The following OCA2 variants were observed in gnomAD, a reference collection of about 807,000 sequenced individuals.
OCA2 encodes the protein OCA2 melanosomal transmembrane protein.
Under a neutral mutation model 100.2 loss-of-function variants are expected in OCA2, and 77 were observed. The observed-to-expected ratio is 0.77, with a 90% CI of 0.64 to 0.93. The LOEUF (loss-of-function observed/expected upper bound fraction) is 0.93, where lower values mean the gene tolerates loss of function less well. Among genes scored for constraint, OCA2 ranks in the 40% least tolerant of loss-of-function variants. The pLI, the probability that OCA2 is intolerant of heterozygous loss-of-function variation, is 0.00. For synonymous variants in OCA2, 432 were observed against 439.2 expected, an observed-to-expected ratio of 0.98 and a Z score of 0.21; for missense variants, 1,062 against 1,089.1, an observed-to-expected ratio of 0.98 and a Z score of 0.35.
chr15:27,952,531 G>C (rs2040068703), intron 17 of OCA2, among the ~76,000 whole-genome samples: 1 of 152,218 alleles, frequency 6.6e-6, no homozygotes, highest in Non-Finnish European at 1.5e-5. Flanking sequence ...GCCAGGGCAG[G>C]GAAGCACGCA....
chr15:28,004,003 G>A (rs1024564936), intron 9 of OCA2, among the ~76,000 whole-genome samples: 84 of 152,334 alleles, frequency 5.5e-4, no homozygotes, highest in African/African-American at 1.9e-3. Flanking sequence ...GCGCCCGCGC[G>A]GAAACACCGT....
intron 23 of OCA2, among the ~76,000 whole-genome samples, chr15:27,823,557 A>G (rs2034586724): frequency 6.6e-6 from 1 of 152,198 alleles, no homozygotes. Context: ...AGGGAAACTT[A>G]ATCATAAAGC....
intron 1 of OCA2, among the ~76,000 whole-genome samples, chr15:28,096,095 T>A (rs528961788): frequency 2.0e-5 from 3 of 150,460 alleles, no homozygotes; most frequent in Non-Finnish European, 4.4e-5. Flanking sequence ...TGCAAAGGCG[T>A]CAATGTGTCT....
intron 2 of OCA2, among the ~76,000 whole-genome samples, chr15:28,078,857 T>G (rs747594767): frequency 5.9e-5 from 9 of 152,228 alleles, no homozygotes; most frequent in Non-Finnish European, 1.3e-4. Flanking sequence ...TATATGTATA[T>G]CCTGCCTTGT....
In OCA2 at chr15:28,032,687, T is replaced by C. The variant is rs575162566; in HGVS notation, c.228-524A>G. 1.5e-4 allele frequency among the ~76,000 whole-genome samples: 22 copies of C among 149,138 alleles called. No homozygotes were observed. The South Asian group carries it at 4.0e-3, about 27-fold the overall frequency. ...TGGGTGCCTGTAATCCCAGCTACTC[T>C]GGAGGCTGAGGCAGAGAATTGCTTG... On this transcript the variant is annotated intron_variant, in intron 2 of 23. Transcript: ENST00000354638.
intron 1 of OCA2, among the ~76,000 whole-genome samples, chr15:28,087,676 A>G (rs1031175339): frequency 5.9e-5 from 9 of 152,170 alleles, no homozygotes; most frequent in African/African-American, 2.2e-4. Flanking sequence ...GAGCCAGGAA[A>G]GTCGAGGCTT....
chr15:28,013,998 G>C (rs1284887685), intron 9 of OCA2, among the ~76,000 whole-genome samples: 3 of 152,072 alleles, frequency 2.0e-5, no homozygotes, highest in Non-Finnish European at 4.4e-5. Flanking sequence ...ACAACCACAA[G>C]CAAAGTTCTG....
rs1050254979 is a variant in OCA2 at position 28,043,800 on chromosome 15, A to G, written c.228-11637T>C. 1.3e-5 allele frequency among the ~76,000 whole-genome samples: 2 copies of G among 152,202 alleles called. No homozygotes were observed. Among genetic ancestry groups the G allele is most frequent in the African/African-American group, 4.8e-5 (2 of 41,460 alleles). On this transcript the variant is annotated intron_variant, in intron 2 of 23. Coordinates refer to ENST00000354638, the MANE Select transcript of OCA2 (RefSeq NM_000275.3). This position sits in a 1 kb window ranked among gnomAD's most constrained non-coding sequence, Gnocchi z 4.4. The stretch of plus-strand genomic sequence containing the variant: ...GTTATTGAAGAGATAAATCATTTTT[A>G]TTGCACAAAGCACAGAAGTATACTC...
chr15:28,088,558 C>A (rs954670178), intron 1 of OCA2, among the ~76,000 whole-genome samples: 1 of 152,034 alleles, frequency 6.6e-6, no homozygotes, highest in Non-Finnish European at 1.5e-5. Flanking sequence ...CCCTAAGTGT[C>A]GGCTGGTCTG....
chr15:27,823,454 T>C (rs1435748170), intron 23 of OCA2, among the ~76,000 whole-genome samples: 1 of 152,206 alleles, frequency 6.6e-6, no homozygotes, highest in African/African-American at 2.4e-5. Flanking sequence ...TTTTCCCAAA[T>C]AATAAATAAG....
At chr15:27,824,989 G>C (rs183095049) in intron 23 of OCA2, among the ~76,000 whole-genome samples, 3 of 152,158 alleles carry the variant, frequency 2.0e-5, no homozygotes, top group African/African-American at 7.2e-5. Context: ...GAATGGCCTT[G>C]TTGGGAATTA....
the OCA2 span, among the ~76,000 whole-genome samples, chr15:27,733,562 T>C: frequency 6.6e-6 from 1 of 152,184 alleles, no homozygotes; most frequent in Non-Finnish European, 1.5e-5. Flanking sequence ...CTCCAGGCCC[T>C]CCCAGCATTT....
At chr15:27,868,618 G>C (rs560534136) in intron 21 of OCA2, among the ~76,000 whole-genome samples, 1 of 152,214 alleles carries the variant, frequency 6.6e-6, no homozygotes, top group East Asian at 1.9e-4. Context: ...ATCCCAGATG[G>C]GTACATTCCA....
At chr15:27,788,783 CCTGTTT>C (rs1477642011) in intron 23 of OCA2, among the ~76,000 whole-genome samples, 8 of 150,334 alleles carry the variant, frequency 5.3e-5, no homozygotes, top group African/African-American at 2.0e-4. Flanking sequence ...TTTTTTTGTT[CCTGTTT>C]CTTTTTACTA....
intron 21 of OCA2, among the ~76,000 whole-genome samples, chr15:27,863,843 T>C (rs576509131): frequency 1.3e-5 from 2 of 152,334 alleles, no homozygotes; most frequent in African/African-American, 4.8e-5. Context: ...AGGTTTTAGT[T>C]CCAGAAACTA....
At chr15:27,958,927 AG>A (rs1420810753) in intron 15 of OCA2, among the ~76,000 whole-genome samples, 1 of 152,158 alleles carries the variant, frequency 6.6e-6, no homozygotes, top group Non-Finnish European at 1.5e-5. Flanking sequence ...AGACCTGGGA[AG>A]CAGCATGAAC....
chr15:27,960,618 A>ATCTC (rs886444799), intron 15 of OCA2, among the ~76,000 whole-genome samples: 36 of 151,630 alleles, frequency 2.4e-4, no homozygotes, highest in African/African-American at 8.5e-4. Context: ...CTATCTATCT[A>ATCTC]TGTATCTATG....
At chr15:27,904,848 T>TAC (rs2038108291) in intron 19 of OCA2, among the ~76,000 whole-genome samples, 1 of 152,136 alleles carries the variant, frequency 6.6e-6, no homozygotes. Flanking sequence ...TTGATTAACA[T>TAC]ACAGTGGTTC....
intron 23 of OCA2, among the ~76,000 whole-genome samples, chr15:27,778,691 A>G (rs1020924463): frequency 9.2e-5 from 14 of 152,236 alleles, no homozygotes; most frequent in African/African-American, 3.1e-4. Flanking sequence ...CTTCCCACAC[A>G]GCAGCAAAGC....
Sources: allele counts gnomAD v4.1 joint callset (sites outside exome capture counted in the v4.1 genomes callset), GRCh38; gene constraint gnomAD v4.1.1; non-coding constraint Gnocchi (gnomAD v3.1); transcripts MANE v1.5; gene names NCBI Gene and HGNC (gene_info 2026-07-23, HGNC 2026-07-21).